The following LVRN variants were observed in gnomAD, a reference collection of about 807,000 sequenced individuals.
The protein encoded by LVRN is aminopeptidase Q.
Under a neutral mutation model 111.4 loss-of-function variants are expected in LVRN, and 99 were observed. The observed-to-expected ratio is 0.89, with a 90% CI of 0.76 to 1.05. LVRN has a LOEUF of 1.05. Ranked by LOEUF, LVRN falls within the 50% of genes least tolerant of loss-of-function variation. The pLI, the probability that LVRN is intolerant of heterozygous loss-of-function variation, is 0.00. For synonymous variants in LVRN, 488 were observed against 449.5 expected, an observed-to-expected ratio of 1.09 and a Z score of -1.08; for missense variants, 1,414 against 1,206.8, an observed-to-expected ratio of 1.17 and a Z score of -2.54.
chr5:116,025,205 G>A (rs1464879023), intron 19 of LVRN, among the ~76,000 whole-genome samples: 2 of 152,086 alleles, frequency 1.3e-5, no homozygotes, highest in African/African-American at 4.8e-5. Flanking sequence ...TAACTTACTT[G>A]TCCCTAAAAC....
rs1197083349 is a variant in LVRN, at chr5:115,993,770, G to C, written c.1290G>C (p.Trp430Cys). 1 of 1,608,662 alleles carries C rather than the reference G, an allele frequency of 6.2e-7. No homozygotes were observed. The highest frequency in any genetic ancestry group is 2.2e-5 in the East Asian group (1 of 44,622). Residue 430 changes from tryptophan (W) to cysteine (C), a missense_variant, in exon 6 of 20, where the codon TGG becomes TGC. Trp to Cys is a radical substitution (Grantham distance 215, BLOSUM62 -2). Coordinates refer to ENST00000357872, the MANE Select transcript of LVRN (RefSeq NM_173800.5). Reference protein sequence around the residue: ...QWFGNLVTMNWWNNIWLNEGF... With the variant: ...QWFGNLVTMNCWNNIWLNEGF... ...TTGGAAACTTGGTTACCATGAATTGGTGGAACAATATCTGGCTCAACGAGG... is the reference window on the plus strand; with the variant it reads ...TTGGAAACTTGGTTACCATGAATTGCTGGAACAATATCTGGCTCAACGAGG...
chr5:116,005,989 A>T, intron 13 of LVRN, 22 bp downstream of exon 13: 1 of 1,561,382 alleles, frequency 6.4e-7, no homozygotes, highest in Non-Finnish European at 8.8e-7. Context: ...TTCTTCTCTC[A>T]TGGTTTCAGA....
In LVRN at chr5:116,026,279, C is replaced by A; in HGVS notation, c.*161C>A. Reference sequence around the variant, plus strand: ...ATTCTTCTCATATTGTCATGTTTGGCCCTGAGGGTGGGTGATTGCTGACAA... The same window carrying A: ...ATTCTTCTCATATTGTCATGTTTGGACCTGAGGGTGGGTGATTGCTGACAA... On this transcript the variant is annotated 3_prime_UTR_variant, in exon 20 of 20. Transcript: ENST00000357872. The A allele has an allele frequency of 1.8e-6, 2 of 1,108,998 alleles. No individual in the cohort carries two copies. Among genetic ancestry groups the A allele is most frequent in the Non-Finnish European group, 2.5e-6 (2 of 792,920 alleles). The allele number at this position is 1,108,998 out of a possible 1,614,324, so 68.7% of individuals were successfully genotyped here.
intron 5 of LVRN, among the ~76,000 whole-genome samples, chr5:115,992,809 A>AT (rs2112585400): frequency 6.6e-6 from 1 of 152,318 alleles, no homozygotes; most frequent in East Asian, 1.9e-4. Context: ...TTGCTTTTGC[A>AT]TTGGGATTTT....
At chr5:115,976,126 G>A (rs537165536) in intron 1 of LVRN, 1 of 152,286 alleles carries the variant, frequency 6.6e-6, no homozygotes, top group African/African-American at 2.4e-5. Flanking sequence ...CAGCCTCCGG[G>A]GTTTAGAGGG....
At chr5:115,988,398 T>C (rs1747916263) in intron 4 of LVRN, among the ~76,000 whole-genome samples, 1 of 152,064 alleles carries the variant, frequency 6.6e-6, no homozygotes, top group Non-Finnish European at 1.5e-5. Flanking sequence ...GTCCCAACTA[T>C]GAATTTTCAT....
chr5:115,981,447 ATT>A (rs926906149), intron 1 of LVRN, among the ~76,000 whole-genome samples: 17 of 151,950 alleles, frequency 1.1e-4, no homozygotes, highest in African/African-American at 3.4e-4. Context: ...TCAATTTTTA[ATT>A]TTTGTGGGTA....
chr5:115,982,772 C>G (rs1190847041), intron 1 of LVRN, among the ~76,000 whole-genome samples: 1 of 152,106 alleles, frequency 6.6e-6, no homozygotes, highest in Non-Finnish European at 1.5e-5. Context: ...TTTGTTCAAT[C>G]AGCATGTACC....
chr5:116,000,645 G>A lies in LVRN; in HGVS notation c.1634G>A (p.Arg545Lys). ...YSNAEQDDLW[R>K]HFQMAIDDQS... ...AACGCTGAGCAAGATGATCTATGGA[G>A]GCATTTTCAAATGGTAATTGTCCTA... The change falls in exon 9 of 20, where the codon AGG (arginine) becomes AAG (lysine). Residue 545 changes from arginine (R) to lysine (K), a missense_variant. Coordinates refer to ENST00000357872, the MANE Select transcript of LVRN (RefSeq NM_173800.5). 6.2e-7 allele frequency: 1 copy of A among 1,613,786 alleles called. No homozygotes were observed. The highest frequency in any genetic ancestry group is 8.5e-7 in the Non-Finnish European group (1 of 1,179,842).
chr5:115,974,567 A>C (rs1173494912), intron 1 of LVRN: 1 of 152,334 alleles, frequency 6.6e-6, no homozygotes, highest in Non-Finnish European at 1.5e-5. Flanking sequence ...TTAGTTGTTG[A>C]TGTGCCTCGT....
chr5:115,982,674 A>C (rs1442842763), intron 1 of LVRN, among the ~76,000 whole-genome samples: 3 of 152,090 alleles, frequency 2.0e-5, no homozygotes, highest in Admixed American at 2.0e-4. Flanking sequence ...GTGTGGTGGG[A>C]TAATGTCACT....
intron 13 of LVRN, among the ~76,000 whole-genome samples, chr5:116,007,146 G>A (rs756038626): frequency 1.4e-4 from 22 of 151,982 alleles, no homozygotes; most frequent in Non-Finnish European, 2.6e-4. Flanking sequence ...TCCAGCCTTC[G>A]GTCCTTTTGA....
At chr5:116,015,165 T>A in intron 16 of LVRN, 87 bp from the exon 17 acceptor site, 4 of 926,050 alleles carry the variant, frequency 4.3e-6, no homozygotes, top group Non-Finnish European at 5.7e-6. Flanking sequence ...ACTATAAATA[T>A]TTTTTCTAGA....
In LVRN at chr5:115,984,561, A is replaced by G. The variant is rs372673653; in HGVS notation, c.839-9A>G. On this transcript the variant is annotated splice_polypyrimidine_tract_variant and intron_variant, in intron 2 of 19. Coordinates refer to ENST00000357872, the MANE Select transcript of LVRN (RefSeq NM_173800.5). ...TTGCTGTGATTTGAACTAAAATAAAATTCTCTAGGTCAGTCTGAAAAAGAA... is the reference window on the plus strand; with the variant it reads ...TTGCTGTGATTTGAACTAAAATAAAGTTCTCTAGGTCAGTCTGAAAAAGAA... 3.7e-6 allele frequency: 6 copies of G among 1,611,942 alleles called. No homozygotes were observed. The highest frequency in any genetic ancestry group is 1.3e-5 in the African/African-American group (1 of 74,768).
chr5:115,988,997 G>A (rs535393823), intron 4 of LVRN, among the ~76,000 whole-genome samples: 7 of 152,136 alleles, frequency 4.6e-5, no homozygotes, highest in East Asian at 1.9e-4. Flanking sequence ...TCACCTTATC[G>A]TCCCCTACAT....
At chr5:115,980,652 C>T (rs1753542665) in intron 1 of LVRN, among the ~76,000 whole-genome samples, 1 of 152,096 alleles carries the variant, frequency 6.6e-6, no homozygotes, top group Non-Finnish European at 1.5e-5. Context: ...CTTGCAGTCT[C>T]TTTGAGATTC....
At chr5:115,982,390 T>G (rs576744617) in intron 1 of LVRN, among the ~76,000 whole-genome samples, 12 of 152,276 alleles carry the variant, frequency 7.9e-5, no homozygotes, top group African/African-American at 2.9e-4. Context: ...CAAAAACAAA[T>G]GTATCAGAGA....
chr5:115,988,174 A>T (rs565414244), intron 4 of LVRN, among the ~76,000 whole-genome samples: 3 of 152,132 alleles, frequency 2.0e-5, no homozygotes, highest in Non-Finnish European at 2.9e-5. Context: ...CAGACTTTTT[A>T]GGTCTCTCCT....
In LVRN at chr5:116,000,595, A is replaced by C. The variant is rs1304175201; in HGVS notation, c.1584A>C (p.Ser528=). 3 of 1,613,952 alleles carry C rather than the reference A, an allele frequency of 1.9e-6. No homozygotes were observed. Among genetic ancestry groups the C allele is most frequent in the Non-Finnish European group, 2.5e-6 (3 of 1,179,862 alleles). ...CCTTAACTTTTCTATTTTTACAGTC[A>C]TATTTGAAGACATTTTCCTACTCAA... ...NEHLFVSALK[S]YLKTFSYSNA... is the part of the protein sequence containing the mutation. The change falls in exon 9 of 20, where the codon TCA becomes TCC. Residue 528 remains serine, a splice_region_variant and synonymous_variant. Transcript: ENST00000357872.
Sources: allele counts gnomAD v4.1 joint callset (sites outside exome capture counted in the v4.1 genomes callset), GRCh38; gene constraint gnomAD v4.1.1; transcripts MANE v1.5; gene names NCBI Gene and HGNC (gene_info 2026-07-23, HGNC 2026-07-21).